Variants in POLR2H observed in about 807,000 individuals in gnomAD.
The protein encoded by POLR2H is DNA-directed RNA polymerases I, II, and III subunit RPABC3.
In POLR2H, 3 loss-of-function variants were observed where a neutral mutation model predicts 18.1. The observed-to-expected ratio is 0.17, with a 90% CI of 0.08 to 0.43. POLR2H has a LOEUF of 0.43. Among genes scored for constraint, POLR2H ranks in the 20% least tolerant of loss-of-function variants. The pLI, the probability that POLR2H is intolerant of heterozygous loss-of-function variation, is 0.99. For synonymous variants in POLR2H, 76 were observed against 69.0 expected, an observed-to-expected ratio of 1.10 and a Z score of -0.50; for missense variants, 103 against 184.6, an observed-to-expected ratio of 0.56 and a Z score of 2.56.
At position 184,363,285 on chromosome 3, in the gene POLR2H, G is replaced by A. The variant is rs917402464; in HGVS notation, c.-208G>A. Reference sequence around the variant, plus strand: ...AAGCCTCTCGGAAGCAATCTTTCGGGACGGAAGTTAAGTAGCCCCGAGCGG... The same window carrying A: ...AAGCCTCTCGGAAGCAATCTTTCGGAACGGAAGTTAAGTAGCCCCGAGCGG... On this transcript the variant is annotated 5_prime_UTR_variant, in exon 2 of 6. Transcript: ENST00000456318. 3 of 609,522 alleles carry A rather than the reference G, an allele frequency of 4.9e-6. No individual in the cohort carries two copies. Among genetic ancestry groups the A allele is most frequent in the Non-Finnish European group, 5.9e-6 (2 of 337,732 alleles). The allele number at this position is 609,522 out of a possible 1,614,324, so 37.8% of individuals were successfully genotyped here. A position where few individuals can be genotyped will look rare whatever the true frequency, so the allele number is the denominator to read the frequency against.
chr3:184,363,617 A>C (rs1005104995), intron 2 of POLR2H, 52 bp downstream of exon 2: 1 of 1,457,820 alleles, frequency 6.9e-7, no homozygotes, highest in Admixed American at 1.7e-5. Flanking sequence ...CCTCGCGGAC[A>C]TGCCCCTGGG....
In POLR2H at chr3:184,366,818, G is replaced by T. The variant is rs1476602454; in HGVS notation, c.335+18G>T. On this transcript the variant is annotated intron_variant, in intron 5 of 5. Coordinates refer to ENST00000456318, the MANE Select transcript of POLR2H (RefSeq NM_006232.5). ...ACACGCCTGTAAGTTACGTAATCTT[G>T]TGAGGATTCTTTTCCTCTTCCATGT... 7.0e-7 allele frequency: 1 copy of T among 1,419,020 alleles called. No homozygotes were observed. The highest frequency in any genetic ancestry group is 2.3e-5 in the East Asian group (1 of 44,040). 87.9% of individuals were successfully genotyped at this position (1,419,020 alleles called of 1,614,324 possible).
chr3:184,363,456 C>G lies in POLR2H; in HGVS notation c.-37C>G, dbSNP rs1467987041. The G allele has an allele frequency of 6.4e-7, 1 of 1,574,764 alleles. No individual in the cohort carries two copies. ...GCACGTACTCCCAACTGTGGTCGCG[C>G]TCTCACCCCTTCTGCTGCTCTCGTG... On this transcript the variant is annotated 5_prime_UTR_variant, in exon 2 of 6. Transcript: ENST00000456318.
rs1175639545 is a variant in POLR2H at position 184,368,148 on chromosome 3, G to C, written c.336-29G>C. 4 of 1,613,924 alleles carry C rather than the reference G, an allele frequency of 2.5e-6. No individual in the cohort carries two copies. The East Asian group carries it at 6.7e-5, about 27-fold the overall frequency. On this transcript the variant is annotated intron_variant, in intron 5 of 5. Transcript: ENST00000456318. ...AGAGCTGCTGAGTGGCAGTGCTCCA[G>C]AATCACGGGATGGGGCCTTCTGTTT...
chr3:184,366,882 G>A (rs1052930047), intron 5 of POLR2H, 82 bp downstream of exon 5: 10 of 846,024 alleles, frequency 1.2e-5, no homozygotes, highest in Admixed American at 1.8e-5. Flanking sequence ...CCTCTGTTGA[G>A]TCCCTCTCCT....
chr3:184,366,847 G>T, intron 5 of POLR2H, 47 bp downstream of exon 5: 1 of 1,146,438 alleles, frequency 8.7e-7, no homozygotes, highest in South Asian at 1.2e-5. Context: ...TCCATGTTCT[G>T]AGACTTTGAG....
intron 4 of POLR2H, chr3:184,365,475 A>C: frequency 2.0e-6 from 1 of 497,092 alleles, no homozygotes; most frequent in South Asian, 3.0e-5. Context: ...AGCCTGAGCA[A>C]CATAGCGAAA....
chr3:184,364,873 C>A, intron 2 of POLR2H, 93 bp from the exon 3 acceptor site: 1 of 811,792 alleles, frequency 1.2e-6, no homozygotes, highest in Non-Finnish European at 2.1e-6. Context: ...TGGATGTAGA[C>A]TGGGTTAGAT....
chr3:184,366,537 A>T (rs530857973), intron 4 of POLR2H, 180 bp from the exon 5 acceptor site: 150 of 421,580 alleles, frequency 3.6e-4, no homozygotes, highest in African/African-American at 3.0e-3. Flanking sequence ...ATGGGGTTTC[A>T]CTGTGTTAGC....
rs192622580 is a variant in POLR2H at position 184,368,566 on chromosome 3, C to A, written c.*272C>A. On this transcript the variant is annotated 3_prime_UTR_variant, in exon 6 of 6. Transcript: ENST00000456318. ...GCCCCTCCCCTTTTTGTAAAAAGTC[C>A]ATTTACTGTAAAATCGTTTTTTCCA... 692 of 334,540 alleles carry A rather than the reference C, an allele frequency of 2.1e-3. 5 individuals are homozygous for A. Among genetic ancestry groups the A allele is most frequent in the Middle Eastern group, 9.9e-3 (12 of 1,216 alleles). The allele number at this position is 334,540 out of a possible 1,614,324, so 20.7% of individuals were successfully genotyped here.
chr3:184,365,744 C>A (rs1357187818), intron 4 of POLR2H, among the ~76,000 whole-genome samples: 1 of 151,658 alleles, frequency 6.6e-6, no homozygotes, highest in East Asian at 1.9e-4. Flanking sequence ...GAGGCCGAGG[C>A]GGGCGGATCA....
chr3:184,366,628 A>C, intron 4 of POLR2H, 89 bp from the exon 5 acceptor site: 1 of 776,912 alleles, frequency 1.3e-6, no homozygotes. Context: ...TTGAGCCACC[A>C]CGCCCGGCTG....
At position 184,363,077 on chromosome 3, in the gene POLR2H, C is replaced by T. The variant is rs905855217; in HGVS notation, c.-416C>T. ...CCGGCGGGGTAGGGCTAGGGCCCGG[C>T]TTCTCTGGGCCAAGGATCAAGGTCC... On this transcript the variant is annotated 5_prime_UTR_variant, in exon 2 of 6. Transcript: ENST00000456318. 3.5e-5 allele frequency: 9 copies of T among 260,202 alleles called. No individual in the cohort carries two copies. Among genetic ancestry groups the T allele is most frequent in the Non-Finnish European group, 6.1e-5 (8 of 131,290 alleles). The allele number at this position is 260,202 out of a possible 1,614,324, so 16.1% of individuals were successfully genotyped here.
rs200528800 is a variant in POLR2H at position 184,368,155 on chromosome 3, G to C, written c.336-22G>C. ...CTGAGTGGCAGTGCTCCAGAATCAC[G>C]GGATGGGGCCTTCTGTTTCAGCTCT... is the stretch of plus-strand genomic sequence containing the variant. On this transcript the variant is annotated intron_variant, in intron 5 of 5. Transcript: ENST00000456318. 3.7e-6 allele frequency: 6 copies of C among 1,613,960 alleles called. No individual in the cohort carries two copies. The East Asian group carries it at 8.9e-5, about 24-fold the overall frequency.
At chr3:184,365,670 CAA>C (rs985871377) in intron 4 of POLR2H, 2 of 153,224 alleles carry the variant, frequency 1.3e-5, no homozygotes, top group Non-Finnish European at 2.8e-5. Context: ...GACCGTGTCT[CAA>C]AAAAAAAGAA....
rs757246919 is a variant in POLR2H, at chr3:184,368,330, C to T, written c.*36C>T. 6.5e-7 allele frequency: 1 copy of T among 1,539,606 alleles called. No homozygotes were observed. The highest frequency in any genetic ancestry group is 8.8e-7 in the Non-Finnish European group (1 of 1,135,428). On this transcript the variant is annotated 3_prime_UTR_variant, in exon 6 of 6. Transcript: ENST00000456318. ...AAGCCAGCCTCTCTGCCAAGTCACT[C>T]AGGTCATGGGCATTGTTCAAGCCTG... is the stretch of plus-strand genomic sequence containing the variant.
chr3:184,366,052 C>T (rs530677174), intron 4 of POLR2H, among the ~76,000 whole-genome samples: 2 of 151,884 alleles, frequency 1.3e-5, no homozygotes, highest in Non-Finnish European at 2.9e-5. Flanking sequence ...TTGTGAGTTG[C>T]AGCCTTTTGA....
chr3:184,368,349 A>G lies in POLR2H; in HGVS notation c.*55A>G. ...GTCACTCAGGTCATGGGCATTGTTC[A>G]AGCCTGAGTGGCAGCCGCTCTTGCT... On this transcript the variant is annotated 3_prime_UTR_variant, in exon 6 of 6. Coordinates refer to ENST00000456318, the MANE Select transcript of POLR2H (RefSeq NM_006232.5). The G allele has an allele frequency of 7.0e-7, 1 of 1,422,656 alleles. No individual in the cohort carries two copies. Among genetic ancestry groups the G allele is most frequent in the Non-Finnish European group, 9.5e-7 (1 of 1,051,464 alleles). The allele number at this position is 1,422,656 out of a possible 1,614,324, so 88.1% of individuals were successfully genotyped here.
rs374126574 is a variant in POLR2H at position 184,363,593 on chromosome 3, G to A, written c.73+28G>A. ...AAGTAAGGTATGTAGGGGCGGTTTG[G>A]AGGAAGAGGCTAACCTCGCGGACAT... On this transcript the variant is annotated intron_variant, in intron 2 of 5. Transcript: ENST00000456318. 16 of 1,592,652 alleles carry A rather than the reference G, an allele frequency of 1.0e-5. No homozygotes were observed. The African/African-American group carries it at 1.9e-4, about 19-fold the overall frequency.
Sources: gnomAD v4.1 joint callset for allele counts (sites outside exome capture counted in the v4.1 genomes callset) on GRCh38, gnomAD v4.1.1 for gene constraint, MANE v1.5 for transcripts, NCBI Gene and HGNC (gene_info 2026-07-23, HGNC 2026-07-21) for gene names.